Variants in PALLD observed in about 807,000 individuals in gnomAD.
The protein encoded by PALLD is palladin.
In PALLD, 61 loss-of-function variants were observed where a neutral mutation model predicts 123.5. That is an observed-to-expected ratio of 0.49 (90% confidence interval 0.40 to 0.61). The LOEUF (loss-of-function observed/expected upper bound fraction) is 0.61. PALLD is among the 20% of genes least tolerant of loss of function. The probability of loss-of-function intolerance (pLI) is 0.00; values close to 1 mark genes in which losing one functional copy is unlikely to be tolerated. For synonymous variants in PALLD, 465 were observed against 496.4 expected, an observed-to-expected ratio of 0.94 and a Z score of 0.84; for missense variants, 1,273 against 1,377.0, an observed-to-expected ratio of 0.92 and a Z score of 1.20.
chr4:168,687,693 G>A (rs1782210520), intron 6 of PALLD, among the ~76,000 whole-genome samples: 1 of 152,140 alleles, frequency 6.6e-6, no homozygotes, highest in Non-Finnish European at 1.5e-5. Flanking sequence ...GCACCAAGAG[G>A]AACTCTCAAA....
intron 2 of PALLD, among the ~76,000 whole-genome samples, chr4:168,665,273 T>G (rs961246706): frequency 2.0e-5 from 3 of 152,192 alleles, no homozygotes; most frequent in African/African-American, 7.2e-5. Flanking sequence ...GGCCTTTCTA[T>G]CCTATTGGAA....
At chr4:168,709,566 GGAAGGAAGGAAGGAAGGA>G (rs1784571436) in intron 9 of PALLD, among the ~76,000 whole-genome samples, 6 of 686 alleles carry the variant, frequency 8.7e-3, no homozygotes, top group Non-Finnish European at 0.016. Flanking sequence ...AAGGAAGGAA[GGAAGGAAGGAAGGAAGGA>G]AGGAAGGGAG....
At chr4:168,872,993 G>A (rs1315352190) in intron 10 of PALLD, among the ~76,000 whole-genome samples, 1 of 152,108 alleles carries the variant, frequency 6.6e-6, no homozygotes, top group Non-Finnish European at 1.5e-5. Context: ...ATATGATACT[G>A]AGCTAATCTT....
intron 17 of PALLD, 141 bp from the exon 18 acceptor site, chr4:168,921,393 G>A: frequency 1.8e-6 from 1 of 563,542 alleles, no homozygotes; most frequent in Non-Finnish European, 2.9e-6. Flanking sequence ...GGCAATAAGA[G>A]TGAAACTCTG....
intron 8 of PALLD, among the ~76,000 whole-genome samples, chr4:168,696,151 T>G (rs942139351): frequency 6.6e-6 from 1 of 152,102 alleles, no homozygotes; most frequent in Admixed American, 6.6e-5. Context: ...ACAAGCTTGC[T>G]CTAGAGGGAG....
intron 2 of PALLD, among the ~76,000 whole-genome samples, chr4:168,665,967 C>A (rs1779605449): frequency 8.5e-6 from 1 of 117,024 alleles, no homozygotes; most frequent in Non-Finnish European, 1.7e-5. Flanking sequence ...GTTATGTTCC[C>A]CGCCCCCCAC....
intron 2 of PALLD, among the ~76,000 whole-genome samples, chr4:168,521,198 A>G (rs1462556295): frequency 2.0e-5 from 3 of 152,202 alleles, no homozygotes; most frequent in Non-Finnish European, 4.4e-5. Context: ...AAAAAAAACA[A>G]AACACCTGTA....
chr4:168,789,168 C>G (rs1160482827), intron 10 of PALLD, among the ~76,000 whole-genome samples: 1 of 151,602 alleles, frequency 6.6e-6, no homozygotes, highest in East Asian at 1.9e-4. Context: ...TTTTGACACT[C>G]TCATTCATGT....
At chr4:168,765,196 T>A (rs1029406989) in intron 10 of PALLD, among the ~76,000 whole-genome samples, 1 of 151,980 alleles carries the variant, frequency 6.6e-6, no homozygotes, top group African/African-American at 2.4e-5. Flanking sequence ...AGATCACATA[T>A]GCAAAACATA....
At chr4:168,538,492 A>G (rs746490042) in intron 2 of PALLD, among the ~76,000 whole-genome samples, 1 of 151,926 alleles carries the variant, frequency 6.6e-6, no homozygotes, top group Non-Finnish European at 1.5e-5. Context: ...AATTTTAAAT[A>G]AAATAATAAA....
At chr4:168,608,404 G>C (rs1167085753) in intron 2 of PALLD, among the ~76,000 whole-genome samples, 3 of 152,122 alleles carry the variant, frequency 2.0e-5, no homozygotes. Context: ...TATAGTGTTG[G>C]TCTTCATGAG....
intron 2 of PALLD, among the ~76,000 whole-genome samples, chr4:168,590,629 G>A (rs977810237): frequency 6.6e-6 from 1 of 152,122 alleles, no homozygotes; most frequent in Non-Finnish European, 1.5e-5. Context: ...TTTCCAGTTG[G>A]AGTAAGAAAC....
At chr4:168,829,359 A>G (rs1208106489) in intron 10 of PALLD, 1 of 152,174 alleles carries the variant, frequency 6.6e-6, no homozygotes, top group Non-Finnish European at 1.5e-5. Context: ...GGAAGTGCGT[A>G]TGTCTTCTCA....
intron 2 of PALLD, among the ~76,000 whole-genome samples, chr4:168,593,511 C>A (rs865883797): frequency 1.3e-5 from 2 of 152,034 alleles, no homozygotes; most frequent in African/African-American, 4.8e-5. Flanking sequence ...AGCACATGCT[C>A]TCTTCTACGT....
At chr4:168,902,138 A>T (rs1756652716) in intron 14 of PALLD, among the ~76,000 whole-genome samples, 1 of 152,206 alleles carries the variant, frequency 6.6e-6, no homozygotes, top group Non-Finnish European at 1.5e-5. Flanking sequence ...GATTTTTCAG[A>T]TTCAAATACT....
chr4:168,788,569 C>T (rs1737074542), intron 10 of PALLD, among the ~76,000 whole-genome samples: 1 of 152,070 alleles, frequency 6.6e-6, no homozygotes, highest in Non-Finnish European at 1.5e-5. Context: ...ATCCATTCGT[C>T]AATATCCATA....
intron 2 of PALLD, among the ~76,000 whole-genome samples, chr4:168,659,969 C>T (rs1386093353): frequency 1.3e-5 from 2 of 152,176 alleles, no homozygotes; most frequent in South Asian, 2.1e-4. Flanking sequence ...GTAGTCTATA[C>T]TAGAAAGTGT....
intron 10 of PALLD, among the ~76,000 whole-genome samples, chr4:168,880,201 CAGG>C (rs1276135971): frequency 6.6e-6 from 1 of 152,218 alleles, no homozygotes; most frequent in Non-Finnish European, 1.5e-5. Context: ...CCTCAAGTAA[CAGG>C]AGCACTTGCT....
intron 2 of PALLD, among the ~76,000 whole-genome samples, chr4:168,533,018 A>G (rs1451337240): frequency 1.3e-5 from 2 of 152,214 alleles, no homozygotes; most frequent in African/African-American, 2.4e-5. Flanking sequence ...AAAATGAAGA[A>G]TCAGACTAAC....
Sources: gnomAD v4.1 joint callset for allele counts (sites outside exome capture counted in the v4.1 genomes callset) on GRCh38, gnomAD v4.1.1 for gene constraint, MANE v1.5 for transcripts, NCBI Gene and HGNC (gene_info 2026-07-23, HGNC 2026-07-21) for gene names.